The following CHSY3 variants were observed in gnomAD, a reference collection of about 807,000 sequenced individuals.
The protein encoded by CHSY3 is N-acetylgalactosaminyl-proteoglycan 3-beta-glucuronosyltransferase 3.
CHSY3 carries 35 observed loss-of-function variants against 67.2 expected under a neutral mutation model. That is an observed-to-expected ratio of 0.52 (90% CI 0.40 to 0.69). The LOEUF (loss-of-function observed/expected upper bound fraction) is 0.69. Ranked by LOEUF, CHSY3 falls within the 30% of genes least tolerant of loss-of-function variation. The pLI, the probability that CHSY3 is intolerant of heterozygous loss-of-function variation, is 0.00. For missense variants in CHSY3, 1,069 were observed against 1,138.5 expected (o/e 0.94, Z 0.88); for synonymous variants, 474 against 434.7 (o/e 1.09, Z -1.12).
rs551560421 is a variant in CHSY3, at chr5:130,046,051, C to T, written c.1086+137691C>T. Among the ~76,000 whole-genome samples the T allele has an allele frequency of 2.6e-4, 40 of 152,184 alleles. No homozygotes were observed. The East Asian group carries it at 6.0e-3, about 23-fold the overall frequency. ...CTCTAATGCTAGCAATACTTAACTG[C>T]AGGAAACGACTATTATAACTCATGT... On this transcript the variant is annotated intron_variant, in intron 2 of 2. Transcript: ENST00000305031.
chr5:129,975,957 A>G (rs1762794202), intron 2 of CHSY3, among the ~76,000 whole-genome samples: 1 of 152,186 alleles, frequency 6.6e-6, no homozygotes, highest in Non-Finnish European at 1.5e-5. Flanking sequence ...TAACTTGTAC[A>G]GTTCAGTAAG....
chr5:129,912,481 T>A (rs2453777), intron 2 of CHSY3, among the ~76,000 whole-genome samples: 136,910 of 152,142 alleles, frequency 0.9, 61,735 homozygotes, highest in East Asian at 1. Context: ...GGCCTTTCTC[T>A]CAATAAGGCC....
At chr5:130,074,917 C>T (rs1766202427) in intron 2 of CHSY3, among the ~76,000 whole-genome samples, 2 of 151,944 alleles carry the variant, frequency 1.3e-5, no homozygotes, top group Non-Finnish European at 1.5e-5. Flanking sequence ...AACTTAATTG[C>T]CACATGACTT....
chr5:129,969,317 A>G (rs1762567642), intron 2 of CHSY3, among the ~76,000 whole-genome samples: 1 of 151,850 alleles, frequency 6.6e-6, no homozygotes, highest in South Asian at 2.1e-4. Flanking sequence ...TGTTTAAAGT[A>G]GTTGATACCA....
At chr5:129,965,324 A>G (rs1201239649) in intron 2 of CHSY3, among the ~76,000 whole-genome samples, 2 of 152,006 alleles carry the variant, frequency 1.3e-5, no homozygotes, top group Non-Finnish European at 2.9e-5. Context: ...CTACCTTACC[A>G]GCTTTGAAAT....
intron 2 of CHSY3, among the ~76,000 whole-genome samples, chr5:130,032,680 C>T (rs553122241): frequency 6.6e-6 from 1 of 152,224 alleles, no homozygotes; most frequent in South Asian, 2.1e-4. Flanking sequence ...AATGAGTACC[C>T]AGGTTAGACA....
chr5:129,987,321 G>C (rs1439189415), intron 2 of CHSY3, among the ~76,000 whole-genome samples: 1 of 152,100 alleles, frequency 6.6e-6, no homozygotes, highest in Non-Finnish European at 1.5e-5. Context: ...CTATATAAAA[G>C]TAAAACATTT....
At position 130,043,686 on chromosome 5, in the gene CHSY3, AGTCATTTATTATATTTGAT is replaced by A. The variant is rs375742667; in HGVS notation, c.1086+135332_1086+135350del. Among the ~76,000 whole-genome samples the A allele has an allele frequency of 8.5e-5, 13 of 152,278 alleles. No homozygotes were observed. The East Asian group carries it at 2.5e-3, about 29-fold the overall frequency. On this transcript the variant is annotated intron_variant, in intron 2 of 2. Coordinates refer to ENST00000305031, the MANE Select transcript of CHSY3 (RefSeq NM_175856.5). ...AACTAAGTCACATATAATGCTGGTT[AGTCATTTATTATATTTGAT>A]GTCATGTAGCAGAATTAGTTTAAGA...
chr5:129,941,438 T>C (rs995292561), intron 2 of CHSY3, among the ~76,000 whole-genome samples: 1 of 152,136 alleles, frequency 6.6e-6, no homozygotes, highest in African/African-American at 2.4e-5. Flanking sequence ...GTAAGTAGCT[T>C]TAATGGTAGA....
At chr5:129,973,522 G>A (rs901729653) in intron 2 of CHSY3, among the ~76,000 whole-genome samples, 1 of 152,038 alleles carries the variant, frequency 6.6e-6, no homozygotes, top group Non-Finnish European at 1.5e-5. Context: ...GTGCAATTCA[G>A]TTTCTTCAGA....
chr5:130,185,784 TCTC>T lies in CHSY3; in HGVS notation c.2645_2647del (p.Ser882del). On this transcript the variant is annotated inframe_deletion, in exon 3 of 3. Coordinates refer to ENST00000305031, the MANE Select transcript of CHSY3 (RefSeq NM_175856.5). ...TTAGGTGTCAGGTACAATCGAACTCTCTCCTGACAGTCCAGGCAACACATTTTG... is the reference window on the plus strand; with the variant it reads ...TTAGGTGTCAGGTACAATCGAACTCTCTGACAGTCCAGGCAACACATTTTG... 1 of 1,585,302 alleles carries T rather than the reference TCTC, an allele frequency of 6.3e-7. No individual in the cohort carries two copies. Among genetic ancestry groups the T allele is most frequent in the Non-Finnish European group, 8.6e-7 (1 of 1,163,156 alleles).
At position 130,052,525 on chromosome 5, in the gene CHSY3, A is replaced by AT. The variant is rs550498959; in HGVS notation, c.1087-131695dup. Among the ~76,000 whole-genome samples, 935 of 151,846 alleles carry AT rather than the reference A, an allele frequency of 6.2e-3. 6 individuals carry two copies. The highest frequency in any genetic ancestry group is 0.021 in the African/African-American group (874 of 41,426). Reference sequence around the variant, plus strand: ...TCATGCCAGTTTACCATCAATAACAATTTTTTTTTATTTTGTGAACTTAAA... The same window carrying AT: ...TCATGCCAGTTTACCATCAATAACAATTTTTTTTTTATTTTGTGAACTTAAA... On this transcript the variant is annotated intron_variant, in intron 2 of 2. Transcript: ENST00000305031.
chr5:130,121,654 AAT>A (rs1768029849), intron 2 of CHSY3, among the ~76,000 whole-genome samples: 1 of 152,192 alleles, frequency 6.6e-6, no homozygotes, highest in Non-Finnish European at 1.5e-5. Flanking sequence ...TTAGGGCAGC[AAT>A]ATTGTTTAGT....
chr5:130,117,873 A>G (rs2149707322), intron 2 of CHSY3, among the ~76,000 whole-genome samples: 2 of 152,186 alleles, frequency 1.3e-5, no homozygotes, highest in South Asian at 4.1e-4. Flanking sequence ...TCTCCTCCAT[A>G]TCTCATGTTG....
intron 2 of CHSY3, among the ~76,000 whole-genome samples, chr5:129,933,579 A>G (rs1761386425): frequency 2.0e-5 from 3 of 152,162 alleles, no homozygotes. Context: ...AATGTTAGCT[A>G]AGTTAATTTT....
intron 2 of CHSY3, among the ~76,000 whole-genome samples, chr5:130,090,243 G>A (rs1766830832): frequency 6.6e-6 from 1 of 152,278 alleles, no homozygotes; most frequent in East Asian, 1.9e-4. Flanking sequence ...GGGCAGAAAA[G>A]GCTTAGGATG....
chr5:130,148,090 T>C (rs1206849978), intron 2 of CHSY3, among the ~76,000 whole-genome samples: 3 of 152,142 alleles, frequency 2.0e-5, no homozygotes, highest in Non-Finnish European at 4.4e-5. Context: ...TGTTTTCTTC[T>C]ATACGTACGT....
intron 2 of CHSY3, among the ~76,000 whole-genome samples, chr5:129,986,500 T>A (rs1470141741): frequency 6.6e-6 from 1 of 152,150 alleles, no homozygotes; most frequent in Non-Finnish European, 1.5e-5. Context: ...TTTCATCATG[T>A]TTCTGCCAGG....
At chr5:130,005,035 C>T (rs1411200684) in intron 2 of CHSY3, among the ~76,000 whole-genome samples, 1 of 152,046 alleles carries the variant, frequency 6.6e-6, no homozygotes, top group Non-Finnish European at 1.5e-5. Flanking sequence ...TTCAGTAACA[C>T]ATATTTAAAC....
Sources: allele counts gnomAD v4.1 joint callset (sites outside exome capture counted in the v4.1 genomes callset), GRCh38; gene constraint gnomAD v4.1.1; transcripts MANE v1.5; gene names NCBI Gene and HGNC (gene_info 2026-07-23, HGNC 2026-07-21).